Variants in CCSER1 observed in about 807,000 individuals in gnomAD.
CCSER1 encodes the protein serine-rich coiled-coil domain-containing protein 1.
In CCSER1, 41 loss-of-function variants were observed where a neutral mutation model predicts 82.0. The ratio of observed to expected loss-of-function variants is 0.50; its 90% CI spans 0.39 to 0.65. The LOEUF (loss-of-function observed/expected upper bound fraction) is 0.65, where lower values mean the gene tolerates loss of function less well. Among genes scored for constraint, CCSER1 ranks in the 30% least tolerant of loss-of-function variants. CCSER1 has a pLI of 0.00. For missense variants in CCSER1, 1,119 were observed against 1,064.2 expected (o/e 1.05, Z -0.72); for synonymous variants, 414 against 383.9 (o/e 1.08, Z -0.92).
chr4:91,294,172 A>G (rs947933001), intron 10 of CCSER1, among the ~76,000 whole-genome samples: 8 of 151,956 alleles, frequency 5.3e-5, no homozygotes, highest in Admixed American at 2.0e-4. Flanking sequence ...CCTTAATAAT[A>G]TTTGCTGCAT....
rs1227868030 is a variant in CCSER1 at position 90,364,947 on chromosome 4, G to T, written c.1510-35089G>T. On this transcript the variant is annotated intron_variant, in intron 3 of 10. Coordinates refer to ENST00000509176, the MANE Select transcript of CCSER1 (RefSeq NM_001145065.2). ...ACATTTTACAGCAGTATTTCATGGT[G>T]TGATAAAGAACCTAATGATAGCTAT... 4.0e-5 allele frequency among the ~76,000 whole-genome samples: 6 copies of T among 151,742 alleles called. No homozygotes were observed. In the East Asian group the frequency reaches 1.2e-3, roughly 29 times the overall value.
In CCSER1 at chr4:91,441,020, C is replaced by A. The variant is rs1170859470; in HGVS notation, c.2218-157552C>A. On this transcript the variant is annotated intron_variant, in intron 10 of 10. Coordinates refer to ENST00000509176, the MANE Select transcript of CCSER1 (RefSeq NM_001145065.2). ...AAGAGTCCAGGACCAGATGGATTCA[C>A]AGCCGAATTCTACCAGAGGTACAAG... Among the ~76,000 whole-genome samples, 3 of 151,960 alleles carry A rather than the reference C, an allele frequency of 2.0e-5. No homozygotes were observed. In the East Asian group the frequency reaches 5.8e-4, roughly 29 times the overall value.
intron 5 of CCSER1, among the ~76,000 whole-genome samples, chr4:90,599,509 A>G (rs952251216): frequency 3.3e-5 from 5 of 152,154 alleles, no homozygotes; most frequent in Non-Finnish European, 7.3e-5. Flanking sequence ...CTTAGGTAGT[A>G]TCTCCATAGC....
chr4:90,549,868 A>C (rs534986424), intron 5 of CCSER1, among the ~76,000 whole-genome samples: 3 of 152,088 alleles, frequency 2.0e-5, no homozygotes, highest in Non-Finnish European at 4.4e-5. Flanking sequence ...AGTACATAAT[A>C]AAAGGAAAAT....
intron 8 of CCSER1, among the ~76,000 whole-genome samples, chr4:90,902,053 C>G (rs1266751553): frequency 1.3e-5 from 2 of 151,608 alleles, no homozygotes; most frequent in African/African-American, 2.4e-5. Context: ...AAAATTCTTT[C>G]TTCTGCTTGA....
At chr4:91,225,301 T>C (rs376159070) in intron 10 of CCSER1, among the ~76,000 whole-genome samples, 2 of 35,710 alleles carry the variant, frequency 5.6e-5, no homozygotes, top group Non-Finnish European at 9.1e-5. Context: ...TATATGTATA[T>C]ATATTATATA....
In CCSER1 at chr4:91,317,619, C is replaced by T. The variant is rs548736397; in HGVS notation, c.2217+231625C>T. Among the ~76,000 whole-genome samples, 368 of 151,272 alleles carry T rather than the reference C, an allele frequency of 2.4e-3. 3 individuals carry two copies. Among genetic ancestry groups the T allele is most frequent in the African/African-American group, 8.4e-3 (346 of 41,224 alleles). On this transcript the variant is annotated intron_variant, in intron 10 of 10. Transcript: ENST00000509176. Reference sequence around the variant, plus strand: ...GTGTGTGTGCGTGTGTGTGTGTGTGCGCATGTGGGTGTGGGTGCATGCATA... The same window carrying T: ...GTGTGTGTGCGTGTGTGTGTGTGTGTGCATGTGGGTGTGGGTGCATGCATA...
chr4:91,216,037 T>A (rs1421592121), intron 10 of CCSER1, among the ~76,000 whole-genome samples: 1 of 152,172 alleles, frequency 6.6e-6, no homozygotes, highest in Non-Finnish European at 1.5e-5. Flanking sequence ...CACTTTGTCC[T>A]TCTCAAAACT....
At chr4:90,826,217 C>T (rs73833899) in intron 8 of CCSER1, among the ~76,000 whole-genome samples, 9,053 of 152,122 alleles carry the variant, frequency 0.06, 523 homozygotes, top group African/African-American at 0.16. Flanking sequence ...AGTTTGGTGA[C>T]GTGGAATCTT....
intron 5 of CCSER1, among the ~76,000 whole-genome samples, chr4:90,534,528 A>G (rs1411953000): frequency 6.6e-6 from 1 of 151,178 alleles, no homozygotes; most frequent in Non-Finnish European, 1.5e-5. Context: ...TTTACTATGG[A>G]CGAGCCCCAC....
At chr4:90,615,000 G>A (rs1019361368) in intron 5 of CCSER1, among the ~76,000 whole-genome samples, 9 of 152,140 alleles carry the variant, frequency 5.9e-5, no homozygotes, top group Non-Finnish European at 1.2e-4. Flanking sequence ...TTGAAGCCAA[G>A]TTTTATTTCC....
rs1411090821 is a variant in CCSER1, at chr4:90,861,870, A to G, written c.2094+46025A>G. On this transcript the variant is annotated intron_variant, in intron 8 of 10. Coordinates refer to ENST00000509176, the MANE Select transcript of CCSER1 (RefSeq NM_001145065.2). ...TAGTTGGATGATTTCTTAGAAAGCCATGATGAAAACCATGGATCTCCTGAT... is the reference window on the plus strand; with the variant it reads ...TAGTTGGATGATTTCTTAGAAAGCCGTGATGAAAACCATGGATCTCCTGAT... Among the ~76,000 whole-genome samples, 15 of 149,740 alleles carry G rather than the reference A, an allele frequency of 1.0e-4. No homozygotes were observed. In the Admixed American group the frequency reaches 1.0e-3, roughly 10 times the overall value.
At chr4:91,256,267 C>T (rs535336145) in intron 10 of CCSER1, among the ~76,000 whole-genome samples, 28 of 152,078 alleles carry the variant, frequency 1.8e-4, no homozygotes, top group Admixed American at 3.3e-4. Context: ...TCCAGCCTGG[C>T]GAATTCTAGT....
intron 10 of CCSER1, among the ~76,000 whole-genome samples, chr4:91,577,286 C>T (rs1181054792): frequency 6.6e-6 from 1 of 151,304 alleles, no homozygotes; most frequent in African/African-American, 2.4e-5. Context: ...CCTTGGGGGG[C>T]ACAGAAAAAG....
intron 4 of CCSER1, among the ~76,000 whole-genome samples, chr4:90,430,030 G>T (rs1484341779): frequency 6.6e-6 from 1 of 151,686 alleles, no homozygotes; most frequent in Non-Finnish European, 1.5e-5. Flanking sequence ...GAATATACAG[G>T]TAGACTTTAA....
At chr4:90,372,060 G>T (rs1457952623) in intron 3 of CCSER1, among the ~76,000 whole-genome samples, 1 of 152,070 alleles carries the variant, frequency 6.6e-6, no homozygotes, top group South Asian at 2.1e-4. Flanking sequence ...ATCAAAAATC[G>T]TTTGGAACTC....
chr4:90,193,585 T>TTTTTACCTAG (rs1736043300), intron 1 of CCSER1, among the ~76,000 whole-genome samples: 1 of 27,136 alleles, frequency 3.7e-5, no homozygotes, highest in Non-Finnish European at 7.8e-5. Context: ...TATTACCTAG[T>TTTTTACCTAG]TTTTTTTTTT....
intron 10 of CCSER1, among the ~76,000 whole-genome samples, chr4:91,429,172 A>T (rs904150479): frequency 1.3e-5 from 2 of 151,958 alleles, no homozygotes; most frequent in African/African-American, 4.8e-5. Flanking sequence ...TAAAATGTCA[A>T]TATTATGTAC....
At chr4:90,168,221 G>A (rs868025259) in intron 1 of CCSER1, among the ~76,000 whole-genome samples, 27 of 152,168 alleles carry the variant, frequency 1.8e-4, no homozygotes, top group African/African-American at 5.3e-4. Flanking sequence ...TTCTCTGATG[G>A]CCAGTGATGA....
Sources: gnomAD v4.1 joint callset for allele counts (sites outside exome capture counted in the v4.1 genomes callset) on GRCh38, gnomAD v4.1.1 for gene constraint, MANE v1.5 for transcripts, NCBI Gene and HGNC (gene_info 2026-07-23, HGNC 2026-07-21) for gene names.